Variants in TAB1 observed in about 807,000 individuals in gnomAD.
TAB1 encodes TGF-beta activated kinase 1 (MAP3K7) binding protein 1.
Under a neutral mutation model 54.5 loss-of-function variants are expected in TAB1, and 30 were observed. That is an observed-to-expected ratio of 0.55 (90% CI 0.41 to 0.75). TAB1 has a LOEUF of 0.75. Ranked by LOEUF, TAB1 falls within the 30% of genes least tolerant of loss-of-function variation. The pLI is 0.00. For synonymous variants in TAB1, 289 were observed against 286.9 expected (o/e 1.01, Z -0.07); for missense variants, 609 against 683.2 (o/e 0.89, Z 1.21).
chr22:39,429,587 CCTG>C (rs1174546422), intron 10 of TAB1, among the ~76,000 whole-genome samples: 1 of 152,214 alleles, frequency 6.6e-6, no homozygotes. Flanking sequence ...AACCAATTCT[CCTG>C]CCTCAACCTC....
Position 39,430,642 on chromosome 22 carries a change from T to C in TAB1, c.*420T>C. ...ACCCCTCCTCCCACCATCACCTCCC[T>C]CACCTCGGGACAGTAGCCCTCCACT... On this transcript the variant is annotated 3_prime_UTR_variant, in exon 11 of 11. Coordinates refer to ENST00000216160, the MANE Select transcript of TAB1 (RefSeq NM_006116.3). 1.0e-6 allele frequency: 1 copy of C among 963,214 alleles called. No individual in the cohort carries two copies. 59.7% of individuals were successfully genotyped at this position (963,214 alleles called of 1,614,324 possible).
intron 1 of TAB1, among the ~76,000 whole-genome samples, chr22:39,409,498 C>T (rs578130257): frequency 1.4e-3 from 212 of 152,358 alleles, no homozygotes; most frequent in Non-Finnish European, 2.5e-3. Flanking sequence ...TTTGCAAACA[C>T]GGCATGGAGC....
At chr22:39,436,966 A>G (rs746245404), downstream of TAB1, 4 of 180,328 alleles carry the variant, frequency 2.2e-5, no homozygotes, top group Non-Finnish European at 4.6e-5. Flanking sequence ...AAGGACTCCA[A>G]CCTTCCATCA....
At position 39,428,094 on chromosome 22, in the gene TAB1, C is replaced by T. The variant is rs377249380; in HGVS notation, c.1218C>T (p.Thr406=). The T allele has an allele frequency of 2.9e-5, 46 of 1,613,748 alleles. No individual in the cohort carries two copies. Among genetic ancestry groups the T allele is most frequent in the Non-Finnish European group, 3.6e-5 (43 of 1,179,802 alleles). Residue 406 remains threonine (T), a synonymous_variant, in exon 10 of 11, where the codon ACC becomes ACT. Coordinates refer to ENST00000216160, the MANE Select transcript of TAB1 (RefSeq NM_006116.3). ...SAQSTSKTSV[T]LSLVMPSQGQ... is the part of the protein sequence containing the mutation. ...AGAGCACCAGCAAGACCAGCGTGAC[C>T]CTCTCCCTTGTCATGCCCTCCCAGG...
At chr22:39,422,110 T>G in intron 8 of TAB1, 139 bp downstream of exon 8, 1 of 869,192 alleles carries the variant, frequency 1.2e-6, no homozygotes, top group Admixed American at 3.6e-5. Flanking sequence ...GGAAGGAGAA[T>G]CCCAGAGCTC....
chr22:39,426,641 T>C (rs1307025927), intron 8 of TAB1, 62 bp from the exon 9 acceptor site: 26 of 1,436,182 alleles, frequency 1.8e-5, no homozygotes, highest in African/African-American at 2.8e-5. Flanking sequence ...TCCAAGATTA[T>C]GGCCCATGCC....
Position 39,431,207 on chromosome 22 carries a change from G to C in TAB1, c.*985G>C, listed in dbSNP as rs1244237887. ...GAGGTTCTTTGAGACACAGTACCCT[G>C]GGAGGCATAGGAGAAGGGTCGGGCC... On this transcript the variant is annotated 3_prime_UTR_variant, in exon 11 of 11. Transcript: ENST00000216160. The C allele has an allele frequency of 3.0e-6, 3 of 985,642 alleles. No individual in the cohort carries two copies. Among genetic ancestry groups the C allele is most frequent in the South Asian group, 9.4e-5 (2 of 21,286 alleles). 61.1% of individuals were successfully genotyped at this position (985,642 alleles called of 1,614,324 possible).
intron 7 of TAB1, among the ~76,000 whole-genome samples, 191 bp downstream of exon 7, chr22:39,419,821 A>G (rs1396843459): frequency 2.0e-5 from 3 of 150,178 alleles, no homozygotes; most frequent in African/African-American, 7.3e-5. Flanking sequence ...CCTGGGGCAG[A>G]CGCAGACTGT....
In TAB1 at chr22:39,418,044, C is replaced by T. The variant is rs562326348; in HGVS notation, c.550+195C>T. On this transcript the variant is annotated intron_variant, in intron 5 of 10. Coordinates refer to ENST00000216160, the MANE Select transcript of TAB1 (RefSeq NM_006116.3). ...AAGGGAGAAAGGACGGGATGGGAGA[C>T]AGGTGTCCTGGCCTTTAGTCCCTAT... 1.2e-4 allele frequency among the ~76,000 whole-genome samples: 18 copies of T among 152,360 alleles called. No individual in the cohort carries two copies. In the East Asian group the frequency reaches 3.3e-3, roughly 28 times the overall value.
intron 10 of TAB1, among the ~76,000 whole-genome samples, chr22:39,429,590 G>C (rs1253805399): frequency 6.6e-6 from 1 of 152,134 alleles, no homozygotes; most frequent in Non-Finnish European, 1.5e-5. Context: ...CAATTCTCCT[G>C]CCTCAACCTC....
At chr22:39,414,985 C>T in intron 1 of TAB1, 21 bp from the exon 2 acceptor site, 1 of 1,613,580 alleles carries the variant, frequency 6.2e-7, no homozygotes, top group Non-Finnish European at 8.5e-7. Context: ...CGTCTCACGG[C>T]TTCCTGGTGT....
In TAB1 at chr22:39,416,657, CAT is replaced by C. The variant is rs994685303; in HGVS notation, c.325-133_325-132del. 28 of 812,200 alleles carry C rather than the reference CAT, an allele frequency of 3.4e-5. 1 individual carries two copies. In the East Asian group the frequency reaches 6.1e-4, roughly 18 times the overall value. The allele number at this position is 812,200 out of a possible 1,614,324, so 50.3% of individuals were successfully genotyped here. Reference sequence around the variant, plus strand: ...AGTGCTGGGCCAGAGGCAGGACTGACATGTGGAAAGCTCCATCACACAAGAAC... The same window carrying C: ...AGTGCTGGGCCAGAGGCAGGACTGACGTGGAAAGCTCCATCACACAAGAAC... On this transcript the variant is annotated intron_variant, in intron 3 of 10. Coordinates refer to ENST00000216160, the MANE Select transcript of TAB1 (RefSeq NM_006116.3).
At chr22:39,414,954 A>T in intron 1 of TAB1, 52 bp from the exon 2 acceptor site, 2 of 1,609,342 alleles carry the variant, frequency 1.2e-6, no homozygotes, top group South Asian at 1.1e-5. Flanking sequence ...TGAAGTGGGG[A>T]CTACCCTGCA....
rs34258099 is a variant in TAB1 at position 39,430,522 on chromosome 22, G to T, written c.*300G>T. 4 of 1,282,090 alleles carry T rather than the reference G, an allele frequency of 3.1e-6. No homozygotes were observed. The highest frequency in any genetic ancestry group is 3.7e-5 in the East Asian group (1 of 26,952). The allele number at this position is 1,282,090 out of a possible 1,614,324, so 79.4% of individuals were successfully genotyped here. A position where few individuals can be genotyped will look rare whatever the true frequency, so the allele number is the denominator to read the frequency against. ...AGAAACCGCAGTGGGCCTGCAAGCCGCCCGAGCCTCCCCAGCAGCCTCCTA... is the reference window on the plus strand; with the variant it reads ...AGAAACCGCAGTGGGCCTGCAAGCCTCCCGAGCCTCCCCAGCAGCCTCCTA... On this transcript the variant is annotated 3_prime_UTR_variant, in exon 11 of 11. Transcript: ENST00000216160.
chr22:39,430,245 A>C lies in TAB1; in HGVS notation c.*23A>C, dbSNP rs35110569. ...TAGGGCAGCCGGAGAATGCAGCCCA[A>C]GCAGGGCCTGGCATGGGGCAGGACA... On this transcript the variant is annotated 3_prime_UTR_variant, in exon 11 of 11. Transcript: ENST00000216160. 8.7e-6 allele frequency: 14 copies of C among 1,608,342 alleles called. No individual in the cohort carries two copies. Among genetic ancestry groups the C allele is most frequent in the Non-Finnish European group, 1.1e-5 (13 of 1,179,878 alleles).
At chr22:39,413,075 C>T (rs1015932698) in intron 1 of TAB1, among the ~76,000 whole-genome samples, 2 of 151,736 alleles carry the variant, frequency 1.3e-5, no homozygotes, top group African/African-American at 4.8e-5. Flanking sequence ...CCACCACACC[C>T]GGCTAGTTTT....
At chr22:39,421,624 A>T (rs953606008) in intron 7 of TAB1, 15 of 605,658 alleles carry the variant, frequency 2.5e-5, no homozygotes, top group Non-Finnish European at 3.4e-5. Context: ...GCCAGTTTTT[A>T]TGGCCTTCCA....
At chr22:39,433,741 C>T (rs1416247636), downstream of TAB1, 1 of 985,332 alleles carries the variant, frequency 1.0e-6, no homozygotes, top group Non-Finnish European at 1.2e-6. Flanking sequence ...GGCAGCCGGG[C>T]CTGTCTGGAG....
In TAB1 at chr22:39,412,962, T is replaced by C. The variant is rs538547184; in HGVS notation, c.34-2044T>C. On this transcript the variant is annotated intron_variant, in intron 1 of 10. Transcript: ENST00000216160. Reference sequence around the variant, plus strand: ...TGGAGTCTCGCTCTGTCACCCAGGCTGGAGTGCAGTTGCACGATCTCGGCT... The same window carrying C: ...TGGAGTCTCGCTCTGTCACCCAGGCCGGAGTGCAGTTGCACGATCTCGGCT... Among the ~76,000 whole-genome samples, 7 of 144,938 alleles carry C rather than the reference T, an allele frequency of 4.8e-5. 1 individual carries two copies. The South Asian group carries it at 1.6e-3, about 33-fold the overall frequency.
Sources: gnomAD v4.1 joint callset for allele counts (sites outside exome capture counted in the v4.1 genomes callset) on GRCh38, gnomAD v4.1.1 for gene constraint, MANE v1.5 for transcripts, NCBI Gene and HGNC (gene_info 2026-07-23, HGNC 2026-07-21) for gene names.